SUCLG2: variants seen among roughly 807,000 people sequenced by gnomAD.
The protein encoded by SUCLG2 is succinate-CoA ligase GDP-forming subunit beta, also known as succinate--CoA ligase [GDP-forming] subunit beta, mitochondrial.
SUCLG2 carries 42 observed loss-of-function variants against 47.9 expected under a neutral mutation model. The observed-to-expected ratio is 0.88, with a 90% CI of 0.69 to 1.14. SUCLG2 has a LOEUF of 1.14. Ranked by LOEUF, SUCLG2 falls within the 50% of genes most tolerant of loss-of-function variation. The pLI, the probability that SUCLG2 is intolerant of heterozygous loss-of-function variation, is 0.00. For missense variants in SUCLG2, 571 were observed against 525.9 expected (o/e 1.09, Z -0.84); for synonymous variants, 195 against 197.3 (o/e 0.99, Z 0.10).
At chr3:67,582,436 G>A (rs1279794850) in intron 2 of SUCLG2, among the ~76,000 whole-genome samples, 2 of 152,134 alleles carry the variant, frequency 1.3e-5, no homozygotes, top group Non-Finnish European at 2.9e-5. Context: ...GTTGCTACAA[G>A]AGACATGTTC....
chr3:67,595,153 G>C (rs1186043964), intron 2 of SUCLG2, among the ~76,000 whole-genome samples: 1 of 144,828 alleles, frequency 6.9e-6, no homozygotes, highest in Non-Finnish European at 1.5e-5. Flanking sequence ...TGGTCATGTG[G>C]AAAATTTTAG....
intron 1 of SUCLG2, among the ~76,000 whole-genome samples, chr3:67,624,265 G>A (rs1346200635): frequency 1.3e-5 from 2 of 152,184 alleles, no homozygotes; most frequent in African/African-American, 2.4e-5. Flanking sequence ...GACTTGTAGA[G>A]TAGGAAATGA....
At chr3:67,479,012 T>C (rs536986264) in intron 9 of SUCLG2, among the ~76,000 whole-genome samples, 1 of 152,300 alleles carries the variant, frequency 6.6e-6, no homozygotes, top group East Asian at 1.9e-4. Context: ...GATCTACAAA[T>C]GGGAATTAAA....
Position 67,654,595 on chromosome 3 carries a change from G to C in SUCLG2, c.-9C>G, listed in dbSNP as rs1701354216. 2 of 1,272,140 alleles carry C rather than the reference G, an allele frequency of 1.6e-6. No individual in the cohort carries two copies. The highest frequency in any genetic ancestry group is 3.7e-5 in the South Asian group (1 of 27,102). The allele number at this position is 1,272,140 out of a possible 1,614,324, so 78.8% of individuals were successfully genotyped here. On this transcript the variant is annotated 5_prime_UTR_variant, in exon 1 of 11. Transcript: ENST00000307227. The stretch of plus-strand genomic sequence containing the variant: ...GCTACGGGGGACGCCATCTTAAACA[G>C]GAAACTCGGCACGGGGCAGTAGGGC...
chr3:67,598,786 G>A (rs903831384), intron 2 of SUCLG2, among the ~76,000 whole-genome samples: 1 of 152,164 alleles, frequency 6.6e-6, no homozygotes, highest in Non-Finnish European at 1.5e-5. Flanking sequence ...TTAAGGCCTA[G>A]ATCATTCCTC....
rs139195797 is a variant in SUCLG2, at chr3:67,392,656, T to C, written c.1183+8075A>G. Among the ~76,000 whole-genome samples, 280 of 152,240 alleles carry C rather than the reference T, an allele frequency of 1.8e-3. 1 individual carries two copies. Among genetic ancestry groups the C allele is most frequent in the Non-Finnish European group, 3.1e-3 (212 of 68,014 alleles). Reference sequence around the variant, plus strand: ...TAGGCAGGGGCAGAGGGGTGCTCCTTAAGGTAAAAACCACTTTCATAGTTA... The same window carrying C: ...TAGGCAGGGGCAGAGGGGTGCTCCTCAAGGTAAAAACCACTTTCATAGTTA... On this transcript the variant is annotated intron_variant, in intron 10 of 10. Coordinates refer to ENST00000307227, the MANE Select transcript of SUCLG2 (RefSeq NM_003848.4).
At chr3:67,632,803 G>A (rs145954152) in intron 1 of SUCLG2, among the ~76,000 whole-genome samples, 1 of 152,162 alleles carries the variant, frequency 6.6e-6, no homozygotes, top group African/African-American at 2.4e-5. Flanking sequence ...AACTTCTAGA[G>A]TCTATGACCT....
intron 2 of SUCLG2, among the ~76,000 whole-genome samples, chr3:67,551,543 C>T (rs1001666539): frequency 6.6e-6 from 1 of 152,120 alleles, no homozygotes; most frequent in African/African-American, 2.4e-5. Context: ...ATCAGCACAG[C>T]ACATCCCTCC....
chr3:67,637,823 T>C (rs1701034778), intron 1 of SUCLG2, among the ~76,000 whole-genome samples: 1 of 152,196 alleles, frequency 6.6e-6, no homozygotes, highest in Admixed American at 6.5e-5. Flanking sequence ...CTTTCTCCTA[T>C]ACCACATTAT....
intron 2 of SUCLG2, among the ~76,000 whole-genome samples, chr3:67,578,676 C>G (rs1379651324): frequency 3.3e-5 from 5 of 152,170 alleles, no homozygotes; most frequent in Non-Finnish European, 1.5e-5. Context: ...TCTAGAGAGG[C>G]CATACGAACC....
chr3:67,377,109 A>G (rs79233753), intron 10 of SUCLG2, among the ~76,000 whole-genome samples: 4 of 152,218 alleles, frequency 2.6e-5, no homozygotes, highest in Admixed American at 2.6e-4. Context: ...AAATCTTTAC[A>G]AAAACTATGA....
At chr3:67,642,949 T>TGTGG (rs1701127295) in intron 1 of SUCLG2, among the ~76,000 whole-genome samples, 1 of 150,830 alleles carries the variant, frequency 6.6e-6, no homozygotes, top group Non-Finnish European at 1.5e-5. Context: ...TGTGTGTGTG[T>TGTGG]GTGAGAGAGA....
intron 2 of SUCLG2, among the ~76,000 whole-genome samples, chr3:67,574,971 G>A (rs1216521528): frequency 3.9e-5 from 6 of 152,174 alleles, no homozygotes; most frequent in Non-Finnish European, 7.4e-5. Flanking sequence ...GCATTAGTCA[G>A]TTAGAAAAGA....
rs75020247 is a variant in SUCLG2, at chr3:67,569,496, C to T, written c.226+39959G>A. Among the ~76,000 whole-genome samples the T allele has an allele frequency of 3.0e-4, 46 of 152,328 alleles. No homozygotes were observed. The East Asian group carries it at 8.5e-3, about 28-fold the overall frequency. ...TGGACCCAGAAGGCTGGACTTTGGC[C>T]TCAGTGGGCCCAGAGGCAGAGCATC... On this transcript the variant is annotated intron_variant, in intron 2 of 10. Transcript: ENST00000307227.
chr3:67,599,396 C>T (rs1354332487), intron 2 of SUCLG2, among the ~76,000 whole-genome samples: 2 of 152,198 alleles, frequency 1.3e-5, no homozygotes, highest in Non-Finnish European at 2.9e-5. Flanking sequence ...GCACAGCTGA[C>T]TGTGTATGCC....
chr3:67,616,806 C>T (rs1248930537), intron 1 of SUCLG2, among the ~76,000 whole-genome samples: 2 of 152,188 alleles, frequency 1.3e-5, no homozygotes, highest in Non-Finnish European at 2.9e-5. Context: ...GAACTACCAC[C>T]TCTAATATAA....
intron 9 of SUCLG2, among the ~76,000 whole-genome samples, chr3:67,407,256 C>T (rs985590224): frequency 6.6e-6 from 1 of 152,298 alleles, no homozygotes; most frequent in African/African-American, 2.4e-5. Context: ...TTCATTTCCC[C>T]TCAAATTCAT....
At chr3:67,478,087 C>T (rs573139169) in intron 9 of SUCLG2, among the ~76,000 whole-genome samples, 1 of 152,278 alleles carries the variant, frequency 6.6e-6, no homozygotes, top group East Asian at 1.9e-4. Flanking sequence ...GGCAGAGCCA[C>T]CAGGATTCAA....
chr3:67,575,514 G>A (rs1472427703), intron 2 of SUCLG2, among the ~76,000 whole-genome samples: 1 of 152,266 alleles, frequency 6.6e-6, no homozygotes, highest in African/African-American at 2.4e-5. Flanking sequence ...GGTTGCCTGG[G>A]GCTGGGGGTG....
Sources: gnomAD v4.1 joint callset for allele counts (sites outside exome capture counted in the v4.1 genomes callset) on GRCh38, gnomAD v4.1.1 for gene constraint, MANE v1.5 for transcripts, NCBI Gene and HGNC (gene_info 2026-07-23, HGNC 2026-07-21) for gene names.